CACNA1B: variants seen among roughly 807,000 people sequenced by gnomAD.
CACNA1B encodes voltage-dependent N-type calcium channel subunit alpha-1B.
In CACNA1B, 70 loss-of-function variants were observed where a neutral mutation model predicts 247.2. The observed-to-expected ratio is 0.28, with a 90% CI of 0.23 to 0.35. The LOEUF (loss-of-function observed/expected upper bound fraction) is 0.35. CACNA1B is among the 10% of genes least tolerant of loss of function. The pLI is 1.00. For missense variants in CACNA1B, 2,367 were observed against 3,197.4 expected (o/e 0.74, Z 6.26); for synonymous variants, 1,231 against 1,294.4 (o/e 0.95, Z 1.05).
chr9:138,034,488 A>G (rs540657190), intron 20 of CACNA1B, among the ~76,000 whole-genome samples: 19 of 138,246 alleles, frequency 1.4e-4, no homozygotes, highest in East Asian at 4.2e-4. Context: ...TAGTTTGGCT[A>G]TTGTTTAGTG....
At chr9:137,904,353 T>TCTC (rs376459785) in intron 3 of CACNA1B, among the ~76,000 whole-genome samples, 1 of 36,038 alleles carries the variant, frequency 2.8e-5, no homozygotes, top group Middle Eastern at 9.3e-3. Flanking sequence ...TCTCTCTCTC[T>TCTC]TTTTTTTTTT....
At chr9:138,035,895 T>C (rs1959036829) in intron 20 of CACNA1B, among the ~76,000 whole-genome samples, 1 of 152,224 alleles carries the variant, frequency 6.6e-6, no homozygotes, top group African/African-American at 2.4e-5. Context: ...TATTGAAAGT[T>C]TAAATTTTTT....
rs187163434 is a variant in CACNA1B at position 138,118,457 on chromosome 9, G to A, written c.5914-195G>A. 1.2e-3 allele frequency among the ~76,000 whole-genome samples: 166 copies of A among 142,324 alleles called. 2 individuals are homozygous for A. The highest frequency in any genetic ancestry group is 3.9e-3 in the African/African-American group (147 of 38,064). The allele number at this position is 142,324 out of a possible 152,430, so 93.4% of individuals were successfully genotyped here. Reference sequence around the variant, plus strand: ...ACCAGGGTGGGGGACGTGTGAGACTGGGGTGGGGGATATGTGAACAGGGAT... The same window carrying A: ...ACCAGGGTGGGGGACGTGTGAGACTAGGGTGGGGGATATGTGAACAGGGAT... On this transcript the variant is annotated intron_variant, in intron 43 of 46. Transcript: ENST00000371372.
Position 137,974,394 on chromosome 9 carries a change from G to A in CACNA1B, c.1544-1513G>A, listed in dbSNP as rs1958194089. Among the ~76,000 whole-genome samples the A allele has an allele frequency of 6.6e-6, 1 of 152,194 alleles. No homozygotes were observed. Among genetic ancestry groups the A allele is most frequent in the Non-Finnish European group, 1.5e-5 (1 of 68,040 alleles). On this transcript the variant is annotated intron_variant, in intron 11 of 46. Transcript: ENST00000371372. The surrounding 1 kb of genome is among the most constrained non-coding windows in gnomAD (Gnocchi z 4.5). ...AGCTTGAGTGCCTGGTGATTTTCTG[G>A]CTGGTGTCAGAGGCCAGGCTTGCTA...
chr9:137,971,646 C>A lies in CACNA1B; in HGVS notation c.1543+54C>A, dbSNP rs1051629907. 1.0e-5 allele frequency: 15 copies of A among 1,466,368 alleles called. No homozygotes were observed. The highest frequency in any genetic ancestry group is 1.4e-5 in the Non-Finnish European group (15 of 1,062,866). The allele number at this position is 1,466,368 out of a possible 1,614,324, so 90.8% of individuals were successfully genotyped here. On this transcript the variant is annotated intron_variant, in intron 11 of 46. Transcript: ENST00000371372. This position sits in a 1 kb window ranked among gnomAD's most constrained non-coding sequence, Gnocchi z 4.4. The stretch of plus-strand genomic sequence containing the variant: ...CTTCCTGAGCATCTCTGCTCTCAGT[C>A]TGGAAACCCTGGTCCATGCCCTGGG...
In CACNA1B at chr9:137,898,087, G is replaced by T. The variant is rs184408828; in HGVS notation, c.531-15093G>T. The stretch of plus-strand genomic sequence containing the variant: ...TCCATTCCCCAAAGATATTTTGCTG[G>T]ATATAGACATCTGGGTTGACAATTC... On this transcript the variant is annotated intron_variant, in intron 3 of 46. Transcript: ENST00000371372. Among the ~76,000 whole-genome samples, 17 of 152,236 alleles carry T rather than the reference G, an allele frequency of 1.1e-4. No individual in the cohort carries two copies. The East Asian group carries it at 3.3e-3, about 29-fold the overall frequency.
intron 36 of CACNA1B, among the ~76,000 whole-genome samples, chr9:138,092,920 A>G (rs914572055): frequency 2.6e-5 from 4 of 152,356 alleles, no homozygotes; most frequent in African/African-American, 7.2e-5. Flanking sequence ...CAGAGTGACA[A>G]GACAACTTGC....
chr9:138,034,077 G>A lies in CACNA1B; in HGVS notation c.3286+8905G>A, dbSNP rs554133305. On this transcript the variant is annotated intron_variant, in intron 20 of 46. Transcript: ENST00000371372. ...TCCCCACTAGGCTTCCATTCATACC[G>A]GCCTGACTGGGAGAGATAGGAGTAT... Among the ~76,000 whole-genome samples the A allele has an allele frequency of 5.6e-4, 85 of 152,210 alleles. 1 individual carries two copies. Among genetic ancestry groups the A allele is most frequent in the Admixed American group, 2.0e-3 (30 of 15,300 alleles).
chr9:137,887,184 G>A (rs1350422546), intron 3 of CACNA1B, among the ~76,000 whole-genome samples: 1 of 151,740 alleles, frequency 6.6e-6, no homozygotes, highest in Non-Finnish European at 1.5e-5. Context: ...GGCCACGAGA[G>A]GACCCAAGGC....
Position 138,023,719 on chromosome 9 carries a change from GGAGAAGGAGACCAC to G in CACNA1B, c.2978_2991del (p.Glu993GlyfsTer10). 2.3e-5 allele frequency: 23 copies of G among 1,010,850 alleles called. No homozygotes were observed. The highest frequency in any genetic ancestry group is 2.9e-5 in the Non-Finnish European group (23 of 806,724). The allele number at this position is 1,010,850 out of a possible 1,614,324, so 62.6% of individuals were successfully genotyped here. Reference sequence around the variant, plus strand: ...AGGCGCAGCCTGCTCACGAGGCTGTGGAGAAGGAGACCACGGAGAAGGAGGCCACGGAGAAGGAG... The same window carrying G: ...AGGCGCAGCCTGCTCACGAGGCTGTGGGAGAAGGAGGCCACGGAGAAGGAG... On this transcript the variant is annotated frameshift_variant, in exon 19 of 47. Coordinates refer to ENST00000371372, the MANE Select transcript of CACNA1B (RefSeq NM_000718.4). LOFTEE classifies it high-confidence loss of function.
At chr9:138,044,204 C>T (rs528877490) in intron 21 of CACNA1B, among the ~76,000 whole-genome samples, 18 of 152,230 alleles carry the variant, frequency 1.2e-4, no homozygotes, top group Non-Finnish European at 7.3e-5. Flanking sequence ...AAACACACTT[C>T]CATCCATCTG....
intron 11 of CACNA1B, among the ~76,000 whole-genome samples, chr9:137,972,683 G>T (rs932647619): frequency 6.6e-6 from 1 of 152,210 alleles, no homozygotes; most frequent in East Asian, 1.9e-4. Context: ...GGGGCTGCAG[G>T]TCACCTGGAA....
intron 39 of CACNA1B, among the ~76,000 whole-genome samples, chr9:138,110,287 G>A (rs1225457924): frequency 1.3e-5 from 2 of 151,788 alleles, no homozygotes; most frequent in Non-Finnish European, 2.9e-5. Context: ...ACTAATTTTT[G>A]TATTTTTAGT....
At chr9:138,069,901 T>A in intron 32 of CACNA1B, 138 bp downstream of exon 32, 1 of 748,964 alleles carries the variant, frequency 1.3e-6, no homozygotes, top group Non-Finnish European at 2.4e-6. Context: ...CACTCACCTC[T>A]GGCCTCCTGG....
chr9:137,890,631 G>A (rs2133240414), intron 3 of CACNA1B: 1 of 150,662 alleles, frequency 6.6e-6, no homozygotes, highest in African/African-American at 2.4e-5. Flanking sequence ...GGGCTCCAGG[G>A]ATGGGCGGTT....
rs1296238196 is a variant in CACNA1B, at chr9:138,113,525, ACTC to A, written c.5537-847_5537-845del. On this transcript the variant is annotated intron_variant, in intron 40 of 46. Coordinates refer to ENST00000371372, the MANE Select transcript of CACNA1B (RefSeq NM_000718.4). ...GTGAGGGAGCGCAGGAAGGTGCCCA[ACTC>A]CTCCTTGTGGGAGACGTGAGGGAGC... 1.1e-4 allele frequency among the ~76,000 whole-genome samples: 16 copies of A among 145,474 alleles called. No individual in the cohort carries two copies. In the South Asian group the frequency reaches 2.0e-3, roughly 18 times the overall value.
intron 19 of CACNA1B, among the ~76,000 whole-genome samples, chr9:138,024,309 G>A (rs1297028098): frequency 6.6e-6 from 1 of 152,138 alleles, no homozygotes; most frequent in Admixed American, 6.5e-5. Context: ...GCTCCCTGGG[G>A]CAGGACTCAC....
At chr9:137,904,006 C>T (rs1232191351) in intron 3 of CACNA1B, among the ~76,000 whole-genome samples, 1 of 152,166 alleles carries the variant, frequency 6.6e-6, no homozygotes, top group African/African-American at 2.4e-5. Flanking sequence ...GGGCTTGGAC[C>T]GAAGTTTTGG....
At chr9:138,009,612 G>A (rs1448530825) in intron 16 of CACNA1B, among the ~76,000 whole-genome samples, 2 of 152,222 alleles carry the variant, frequency 1.3e-5, no homozygotes, top group African/African-American at 2.4e-5. Flanking sequence ...TGTGCTGGCC[G>A]GGGCTTGGGG....
Sources: gnomAD v4.1 joint callset for allele counts (sites outside exome capture counted in the v4.1 genomes callset) on GRCh38, gnomAD v4.1.1 for gene constraint, Gnocchi (gnomAD v3.1) non-coding constraint, MANE v1.5 for transcripts, NCBI Gene and HGNC (gene_info 2026-07-23, HGNC 2026-07-21) for gene names.